TFCP2: variants seen among roughly 807,000 people sequenced by gnomAD.
The protein encoded by TFCP2 is transcription factor CP2.
Under a neutral mutation model 73.4 loss-of-function variants are expected in TFCP2, and 33 were observed. That is an observed-to-expected ratio of 0.45 (90% CI 0.34 to 0.60). The LOEUF (loss-of-function observed/expected upper bound fraction) is 0.60. Ranked by LOEUF, TFCP2 falls within the 20% of genes least tolerant of loss-of-function variation. TFCP2 has a pLI of 0.01. For synonymous variants in TFCP2, 193 were observed against 211.6 expected (o/e 0.91, Z 0.76); for missense variants, 352 against 604.0 (o/e 0.58, Z 4.37).
At chr12:51,170,425 T>G (rs1423722011) in intron 1 of TFCP2, among the ~76,000 whole-genome samples, 1 of 150,678 alleles carries the variant, frequency 6.6e-6, no homozygotes, top group African/African-American at 2.5e-5. Context: ...CACTGCAGAC[T>G]CAAACTCCTG....
chr12:51,153,134 T>G (rs1228068861), intron 1 of TFCP2, among the ~76,000 whole-genome samples: 1 of 152,230 alleles, frequency 6.6e-6, no homozygotes, highest in Non-Finnish European at 1.5e-5. Flanking sequence ...TTCCAGCACT[T>G]TGGCAGGCCA....
chr12:51,135,438 A>G (rs911913293), intron 1 of TFCP2, among the ~76,000 whole-genome samples: 2 of 141,806 alleles, frequency 1.4e-5, no homozygotes, highest in African/African-American at 5.6e-5. Flanking sequence ...CACACACACA[A>G]AAAAAACAAC....
Position 51,098,706 on chromosome 12 carries a change from G to C in TFCP2, c.1419+70C>G. The C allele has an allele frequency of 1.9e-6, 3 of 1,545,132 alleles. No individual in the cohort carries two copies. In the South Asian group the frequency reaches 3.4e-5, roughly 18 times the overall value. On this transcript the variant is annotated intron_variant, in intron 13 of 14. Transcript: ENST00000257915. ...GAAAACAGAACACTCTGCCCCAGGA[G>C]AACTGCTCTTGCTCCATGCGCTGAC...
At chr12:51,166,169 G>A (rs1454867142) in intron 1 of TFCP2, among the ~76,000 whole-genome samples, 1 of 151,864 alleles carries the variant, frequency 6.6e-6, no homozygotes, top group Non-Finnish European at 1.5e-5. Flanking sequence ...ACAAAAATTA[G>A]CTGGGTGTGG....
At chr12:51,136,088 T>C (rs1941054163) in intron 1 of TFCP2, among the ~76,000 whole-genome samples, 1 of 151,732 alleles carries the variant, frequency 6.6e-6, no homozygotes, top group Non-Finnish European at 1.5e-5. Context: ...GGGCGGATCA[T>C]GTGGTCAGGA....
intron 3 of TFCP2, 114 bp downstream of exon 3, chr12:51,117,557 A>C: frequency 8.8e-5 from 67 of 757,112 alleles, no homozygotes; most frequent in Non-Finnish European, 1.3e-4. Flanking sequence ...ACTGCAGGCA[A>C]GAGATACCAT....
chr12:51,148,340 T>G (rs1941343651), intron 1 of TFCP2, among the ~76,000 whole-genome samples: 1 of 152,152 alleles, frequency 6.6e-6, no homozygotes. Flanking sequence ...CACACGCATG[T>G]TTATAGCAGG....
At chr12:51,136,731 T>G (rs1941071250) in intron 1 of TFCP2, among the ~76,000 whole-genome samples, 1 of 151,902 alleles carries the variant, frequency 6.6e-6, no homozygotes, top group South Asian at 2.1e-4. Context: ...AGGTCAGGAG[T>G]TTGAAACTAG....
At chr12:51,145,674 A>G (rs1941284200) in intron 1 of TFCP2, among the ~76,000 whole-genome samples, 1 of 151,564 alleles carries the variant, frequency 6.6e-6, no homozygotes, top group Admixed American at 6.6e-5. Flanking sequence ...TAGGCCAGGC[A>G]TGGTGGCTAA....
intron 1 of TFCP2, among the ~76,000 whole-genome samples, chr12:51,169,046 C>A (rs369408674): frequency 1.3e-5 from 2 of 151,916 alleles, no homozygotes; most frequent in African/African-American, 2.4e-5. Context: ...AGGGGATCCA[C>A]CCACCTCAGT....
chr12:51,132,338 T>G (rs1940961535), intron 1 of TFCP2, among the ~76,000 whole-genome samples: 1 of 145,482 alleles, frequency 6.9e-6, no homozygotes, highest in Admixed American at 7.0e-5. Flanking sequence ...AGTGTGCAAG[T>G]TCTGGTTTAG....
intron 1 of TFCP2, among the ~76,000 whole-genome samples, chr12:51,122,867 T>G (rs1212615062): frequency 6.6e-6 from 1 of 152,182 alleles, no homozygotes; most frequent in East Asian, 1.9e-4. Context: ...CCACAAAACT[T>G]AACACAGTGT....
At chr12:51,157,686 C>CTTTTTT (rs538061913) in intron 1 of TFCP2, among the ~76,000 whole-genome samples, 6 of 96,094 alleles carry the variant, frequency 6.2e-5, no homozygotes, top group Admixed American at 1.5e-4. Context: ...CTTTTCTTTT[C>CTTTTTT]TTTTTTTTTT....
intron 1 of TFCP2, among the ~76,000 whole-genome samples, chr12:51,137,102 A>T (rs964895592): frequency 6.6e-6 from 1 of 152,126 alleles, no homozygotes; most frequent in African/African-American, 2.4e-5. Context: ...GCACTTTAAG[A>T]AGTGCTTCTG....
At position 51,104,639 on chromosome 12, in the gene TFCP2, C is replaced by A. The variant is rs1205466965; in HGVS notation, c.918-436G>T. On this transcript the variant is annotated intron_variant, in intron 8 of 14. Transcript: ENST00000257915. ...ACTGTAGGAAATACATAAATATGCA[C>A]ACATATACAAGAAAAATATTGGAAG... Among the ~76,000 whole-genome samples the A allele has an allele frequency of 2.6e-5, 4 of 151,770 alleles. No homozygotes were observed. The East Asian group carries it at 7.7e-4, about 29-fold the overall frequency.
intron 8 of TFCP2, 34 bp from the exon 9 acceptor site, chr12:51,104,237 A>G (rs367652219): frequency 1.9e-5 from 30 of 1,585,784 alleles, no homozygotes; most frequent in Non-Finnish European, 1.5e-5. Context: ...GGATGAGTCC[A>G]TGACACATGC....
chr12:51,171,965 CCTT>C (rs994153356), intron 1 of TFCP2, among the ~76,000 whole-genome samples: 7 of 152,124 alleles, frequency 4.6e-5, no homozygotes, highest in Admixed American at 1.3e-4. Flanking sequence ...TATATGTAAC[CCTT>C]CTTCACACAA....
chr12:51,155,069 AGTAAAG>A (rs531535628), intron 1 of TFCP2, among the ~76,000 whole-genome samples: 1 of 152,192 alleles, frequency 6.6e-6, no homozygotes, highest in African/African-American at 2.4e-5. Context: ...AAAAAGGCAG[AGTAAAG>A]GTAAATTCAT....
At chr12:51,096,545 G>A (rs1419489745) in intron 13 of TFCP2, among the ~76,000 whole-genome samples, 1 of 152,186 alleles carries the variant, frequency 6.6e-6, no homozygotes, top group East Asian at 1.9e-4. Context: ...GAATGGCGAA[G>A]GTGAACGCTA....
Sources: allele counts gnomAD v4.1 joint callset (sites outside exome capture counted in the v4.1 genomes callset), GRCh38; gene constraint gnomAD v4.1.1; transcripts MANE v1.5; gene names NCBI Gene and HGNC (gene_info 2026-07-23, HGNC 2026-07-21).